The following AGBL1 variants were observed in gnomAD, a reference collection of about 807,000 sequenced individuals.
AGBL1 encodes cytosolic carboxypeptidase 4.
In AGBL1, 130 loss-of-function variants were observed where a neutral mutation model predicts 118.9. That is an observed-to-expected ratio of 1.09 (90% CI 0.95 to 1.26). AGBL1 has a LOEUF of 1.26. Ranked by LOEUF, AGBL1 falls within the 50% of genes most tolerant of loss-of-function variation. AGBL1 has a pLI of 0.00. For synonymous variants in AGBL1, 555 were observed against 478.9 expected (o/e 1.16, Z -2.08); for missense variants, 1,584 against 1,298.1 (o/e 1.22, Z -3.38).
rs140816294 is a variant in AGBL1, at chr15:87,019,325, C to T, written c.3324-9500C>T. ...AAAACAACAGAATATATATTCTTCT[C>T]ATCACTACACAGCACTTCCTCTAAA... On this transcript the variant is annotated intron_variant, in intron 24 of 24. Transcript: ENST00000441037. Among the ~76,000 whole-genome samples the T allele has an allele frequency of 1.3e-3, 200 of 152,100 alleles. 1 individual carries two copies. The highest frequency in any genetic ancestry group is 2.3e-3 in the Non-Finnish European group (159 of 67,892).
At chr15:86,375,441 G>A (rs2081029309) in intron 17 of AGBL1, among the ~76,000 whole-genome samples, 1 of 152,022 alleles carries the variant, frequency 6.6e-6, no homozygotes, top group South Asian at 2.1e-4. Flanking sequence ...CCCCCCACCA[G>A]GTCCCTCCCT....
intron 22 of AGBL1, among the ~76,000 whole-genome samples, chr15:86,870,454 CAAAAA>C (rs770556494): frequency 6.2e-5 from 4 of 64,108 alleles, no homozygotes; most frequent in African/African-American, 1.5e-4. Flanking sequence ...AAGCATACTG[CAAAAA>C]AAAAAAAAAA....
intron 22 of AGBL1, among the ~76,000 whole-genome samples, chr15:86,879,617 C>A (rs1278355854): frequency 3.9e-5 from 6 of 152,164 alleles, no homozygotes; most frequent in Non-Finnish European, 8.8e-5. Flanking sequence ...AAGGAACTCC[C>A]AAAAACTAAT....
intron 1 of AGBL1, among the ~76,000 whole-genome samples, chr15:86,113,199 T>TTTTTTC: frequency 1.3e-5 from 2 of 149,272 alleles, no homozygotes; most frequent in African/African-American, 2.5e-5. Flanking sequence ...CACCTCTTTA[T>TTTTTTC]TTTTTCTTTT....
At chr15:86,226,700 C>T (rs2078370222) in intron 6 of AGBL1, among the ~76,000 whole-genome samples, 1 of 152,192 alleles carries the variant, frequency 6.6e-6, no homozygotes, top group African/African-American at 2.4e-5. Flanking sequence ...CCAGCCATGC[C>T]TAGTAGGCTG....
intron 16 of AGBL1, among the ~76,000 whole-genome samples, chr15:86,280,681 T>C (rs1386404613): frequency 1.3e-5 from 2 of 152,232 alleles, no homozygotes; most frequent in Non-Finnish European, 2.9e-5. Flanking sequence ...ATTTTCATTT[T>C]AAGGCTGTGA....
intron 5 of AGBL1, among the ~76,000 whole-genome samples, chr15:86,216,185 T>C (rs147869054): frequency 2.6e-5 from 4 of 152,330 alleles, no homozygotes; most frequent in South Asian, 4.1e-4. Flanking sequence ...TCACGCCATC[T>C]GCAAATAGAC....
intron 22 of AGBL1, among the ~76,000 whole-genome samples, chr15:86,906,544 A>G (rs1198390286): frequency 6.6e-6 from 1 of 152,178 alleles, no homozygotes; most frequent in Non-Finnish European, 1.5e-5. Context: ...ACCGTGTAAT[A>G]TGACTCATAG....
intron 13 of AGBL1, among the ~76,000 whole-genome samples, chr15:86,267,860 A>T (rs2079098426): frequency 6.6e-6 from 1 of 152,214 alleles, no homozygotes; most frequent in South Asian, 2.1e-4. Context: ...AGAACAGATA[A>T]TGGTGTGGTG....
intron 24 of AGBL1, among the ~76,000 whole-genome samples, chr15:87,006,161 A>T (rs2081500078): frequency 6.6e-6 from 1 of 152,220 alleles, no homozygotes; most frequent in African/African-American, 2.4e-5. Flanking sequence ...TTGAGGAGGC[A>T]GTCTGTCTGT....
intron 21 of AGBL1, among the ~76,000 whole-genome samples, chr15:86,581,932 C>T (rs1181245749): frequency 6.6e-6 from 1 of 152,102 alleles, no homozygotes; most frequent in African/African-American, 2.4e-5. Flanking sequence ...ATATGACAGG[C>T]ATGAGATCCT....
At chr15:86,824,920 G>T (rs760707337) in intron 22 of AGBL1, among the ~76,000 whole-genome samples, 14 of 152,116 alleles carry the variant, frequency 9.2e-5, no homozygotes, top group Non-Finnish European at 1.8e-4. Flanking sequence ...AGCTGGGCGT[G>T]GTGGTGCACA....
At chr15:86,381,322 T>G (rs1417528905) in intron 17 of AGBL1, among the ~76,000 whole-genome samples, 1 of 152,238 alleles carries the variant, frequency 6.6e-6, no homozygotes, top group Non-Finnish European at 1.5e-5. Flanking sequence ...ATTTAACAAT[T>G]AATGAAGTTG....
rs149820242 is a variant in AGBL1 at position 86,092,212 on chromosome 15, C to G, written c.51+12189C>G. 9.9e-5 allele frequency among the ~76,000 whole-genome samples: 15 copies of G among 152,272 alleles called. No homozygotes were observed. The East Asian group carries it at 2.9e-3, about 29-fold the overall frequency. On this transcript the variant is annotated intron_variant, in intron 1 of 22. Coordinates refer to ENST00000614907, the MANE Select transcript of AGBL1 (RefSeq NM_001386094.1). ...CCCCCTAGATAAGCATACACATGCA[C>G]TTAAACCAAACATTTGAATCTCAGA...
In AGBL1 at chr15:86,204,880, G is replaced by A. The variant is rs115287193; in HGVS notation, c.489-20034G>A. ...TCTGGGACTACAGGTATGAGCCACC[G>A]TGCCCAGCCTACAATTTCTGAATCT... On this transcript the variant is annotated intron_variant, in intron 5 of 22. Transcript: ENST00000614907. Among the ~76,000 whole-genome samples the A allele has an allele frequency of 8.7e-3, 1,319 of 152,256 alleles. 16 individuals carry two copies. Among genetic ancestry groups the A allele is most frequent in the African/African-American group, 0.031 (1,272 of 41,548 alleles).
At chr15:86,732,320 G>A (rs1461251554) in intron 22 of AGBL1, among the ~76,000 whole-genome samples, 1 of 152,158 alleles carries the variant, frequency 6.6e-6, no homozygotes, top group African/African-American at 2.4e-5. Context: ...ATTAGTAATA[G>A]GTTGATCTCA....
intron 18 of AGBL1, among the ~76,000 whole-genome samples, chr15:86,442,997 T>C (rs551103687): frequency 6.6e-6 from 1 of 152,190 alleles, no homozygotes; most frequent in African/African-American, 2.4e-5. Context: ...ATCGTGGGTG[T>C]TACTGCTATT....
rs2086793909 is a variant in AGBL1, at chr15:86,724,751, C to G, written c.3158+50315C>G. On this transcript the variant is annotated intron_variant, in intron 22 of 22. Coordinates refer to ENST00000614907, the MANE Select transcript of AGBL1 (RefSeq NM_001386094.1). The stretch of plus-strand genomic sequence containing the variant: ...TCCCTCATGAATGGCTTGGTGCTAT[C>G]CCTTCAGTATAGTAAGTTCTTGTAA... Among the ~76,000 whole-genome samples, 3 of 152,034 alleles carry G rather than the reference C, an allele frequency of 2.0e-5. No individual in the cohort carries two copies. In the South Asian group the frequency reaches 6.2e-4, roughly 32 times the overall value.
chr15:86,166,222 C>G (rs1053729015), intron 5 of AGBL1, among the ~76,000 whole-genome samples: 71 of 152,274 alleles, frequency 4.7e-4, no homozygotes, highest in African/African-American at 1.6e-3. Context: ...TTTTATTTGA[C>G]AACATTCTAT....
Sources: allele counts gnomAD v4.1 joint callset (sites outside exome capture counted in the v4.1 genomes callset), GRCh38; gene constraint gnomAD v4.1.1; transcripts MANE v1.5; gene names NCBI Gene and HGNC (gene_info 2026-07-23, HGNC 2026-07-21).